SETX: variants seen among roughly 807,000 people sequenced by gnomAD.
SETX encodes senataxin, also known as helicase senataxin.
Under a neutral mutation model 227.2 loss-of-function variants are expected in SETX, and 90 were observed. The ratio of observed to expected loss-of-function variants is 0.40; its 90% CI spans 0.33 to 0.47. SETX has a LOEUF of 0.47. Among genes scored for constraint, SETX ranks in the 20% least tolerant of loss-of-function variants. The pLI, the probability that SETX is intolerant of heterozygous loss-of-function variation, is 0.91. For synonymous variants in SETX, 1,210 were observed against 1,113.2 expected, an observed-to-expected ratio of 1.09 and a Z score of -1.73; for missense variants, 3,052 against 3,181.5, an observed-to-expected ratio of 0.96 and a Z score of 0.98.
intron 11 of SETX, among the ~76,000 whole-genome samples, 160 bp downstream of exon 11, chr9:132,311,597 C>T (rs1188144948): frequency 2.0e-5 from 3 of 152,092 alleles, no homozygotes; most frequent in Non-Finnish European, 2.9e-5. Flanking sequence ...ATAATTGTTC[C>T]AGTAACTATC....
In SETX at chr9:132,262,056, C is replaced by T. The variant is rs1321742552; in HGVS notation, c.*2183G>A. On this transcript the variant is annotated 3_prime_UTR_variant, in exon 26 of 26. Coordinates refer to ENST00000224140, the MANE Select transcript of SETX (RefSeq NM_015046.7). ...AGTAATGTGAGGTACAACTGCATTC[C>T]GCTGTGAAAGGCCGTCACAGGACAC... The T allele has an allele frequency of 1.3e-5, 2 of 152,718 alleles. No homozygotes were observed. The highest frequency in any genetic ancestry group is 2.9e-5 in the Non-Finnish European group (2 of 68,100). 9.5% of individuals were successfully genotyped at this position (152,718 alleles called of 1,614,324 possible).
At position 132,328,031 on chromosome 9, in the gene SETX, A is replaced by C. The variant is rs779729376; in HGVS notation, c.3567T>G (p.Asn1189Lys). Reference sequence around the variant, plus strand: ...AATCATTTCCCACAAGATCTCTCTTATTAGTATCAGACTGGCCCTCATTTC... The same window carrying C: ...AATCATTTCCCACAAGATCTCTCTTCTTAGTATCAGACTGGCCCTCATTTC... ...SVRNEGQSDT[N>K]KRDLVGNDFK... The change falls in exon 10 of 26, where the codon AAT becomes AAG. Residue 1189 changes from asparagine to lysine, a missense_variant. Asn to Lys is a moderately conservative substitution (Grantham distance 94). Around this residue, in one of 10 missense-constraint regions of SETX, gnomAD observed 1,483 missense variants for 1,312.0 expected, o/e 1.13. Coordinates refer to ENST00000224140, the MANE Select transcript of SETX (RefSeq NM_015046.7). 1.7e-5 allele frequency: 27 copies of C among 1,613,998 alleles called. No homozygotes were observed. The South Asian group carries it at 2.6e-4, about 16-fold the overall frequency.
intron 10 of SETX, among the ~76,000 whole-genome samples, chr9:132,325,575 TGTGTTACCTCTGCACTTG>T (rs1286334135): frequency 6.6e-6 from 1 of 152,188 alleles, no homozygotes; most frequent in Non-Finnish European, 1.5e-5. Flanking sequence ...CATTTCCTTC[TGTGTTACCTCTGCACTTG>T]GTATATTAGC....
At chr9:132,276,190 TG>T (rs1366360322) in intron 22 of SETX, among the ~76,000 whole-genome samples, 6 of 152,194 alleles carry the variant, frequency 3.9e-5, no homozygotes, top group African/African-American at 1.4e-4. Flanking sequence ...ACTTACTAAA[TG>T]GACAACCCAA....
chr9:132,337,048 A>G (rs562444196), intron 5 of SETX, among the ~76,000 whole-genome samples: 3 of 152,292 alleles, frequency 2.0e-5, no homozygotes, highest in Non-Finnish European at 4.4e-5. Flanking sequence ...CCTGGGCGAC[A>G]AGAGTAAGAC....
At position 132,268,095 on chromosome 9, in the gene SETX, T is replaced by C. The variant is rs139864553; in HGVS notation, c.7287+1520A>G. Among the ~76,000 whole-genome samples, 7 of 152,366 alleles carry C rather than the reference T, an allele frequency of 4.6e-5. No homozygotes were observed. In the East Asian group the frequency reaches 5.8e-4, roughly 13 times the overall value. The stretch of plus-strand genomic sequence containing the variant: ...AAATAAGTGTTAACAGGCTATTCAA[T>C]TGATAAGAGATCACGTTTTAACACT... On this transcript the variant is annotated intron_variant, in intron 25 of 25. Transcript: ENST00000224140.
At chr9:132,275,116 C>T (rs1270627500) in intron 23 of SETX, 140 bp downstream of exon 23, 1 of 872,248 alleles carries the variant, frequency 1.1e-6, no homozygotes, top group East Asian at 2.5e-5. Flanking sequence ...CTATGAAAGC[C>T]AGCAGCATCC....
chr9:132,314,140 G>A (rs145823840), intron 10 of SETX, among the ~76,000 whole-genome samples: 1,806 of 151,940 alleles, frequency 0.012, 30 homozygotes, highest in African/African-American at 0.038. Flanking sequence ...TTGCCCAGGC[G>A]GGAGTGCAAT....
intron 7 of SETX, among the ~76,000 whole-genome samples, chr9:132,333,412 T>TAAAA (rs1554822624): frequency 9.6e-6 from 1 of 104,050 alleles, no homozygotes; most frequent in Admixed American, 9.8e-5. Flanking sequence ...AAAAAAAATA[T>TAAAA]ATATACACAC....
rs1202364177 is a variant in SETX, at chr9:132,276,939, T to A, written c.6935+121A>T. 5.9e-6 allele frequency: 5 copies of A among 845,378 alleles called. No individual in the cohort carries two copies. In the African/African-American group the frequency reaches 6.7e-5, roughly 11 times the overall value. 52.4% of individuals were successfully genotyped at this position (845,378 alleles called of 1,614,324 possible). ...AAAGAAGCATCAACTTAAGTGAACA[T>A]GACTGTGCCCTGACACTAGGCAGAG... On this transcript the variant is annotated intron_variant, in intron 22 of 25. Transcript: ENST00000224140.
chr9:132,302,924 A>G (rs1431704414), intron 11 of SETX, among the ~76,000 whole-genome samples: 1 of 152,214 alleles, frequency 6.6e-6, no homozygotes, highest in African/African-American at 2.4e-5. Flanking sequence ...TCCGACAAAT[A>G]TGCCAAGTTA....
chr9:132,325,122 C>A (rs189659378), intron 10 of SETX, among the ~76,000 whole-genome samples: 1 of 152,104 alleles, frequency 6.6e-6, no homozygotes, highest in African/African-American at 2.4e-5. Flanking sequence ...TTTGGGAGGC[C>A]AAGGCGGGCA....
Position 132,328,835 on chromosome 9 carries a change from T to G in SETX, c.2763A>C (p.Glu921Asp), listed in dbSNP as rs377618426. 1 of 1,613,398 alleles carries G rather than the reference T, an allele frequency of 6.2e-7. No homozygotes were observed. The highest frequency in any genetic ancestry group is 8.5e-7 in the Non-Finnish European group (1 of 1,179,760). The change falls in exon 10 of 26, where the codon GAA becomes GAC. Residue 921 changes from glutamate (E) to aspartate (D), a missense_variant. Glu to Asp is a conservative substitution (Grantham distance 45). Around this residue, in one of 10 missense-constraint regions of SETX, gnomAD observed 1,483 missense variants for 1,312.0 expected, o/e 1.13. Transcript: ENST00000224140. ...SPFKDLMTVP[E>D]SRDEEMSNST... is the part of the protein sequence containing the mutation. ...TATTACTCATCTCCTCATCTCTTGA[T>G]TCAGGTACAGTCATAAGATCTTTAA...
intron 11 of SETX, among the ~76,000 whole-genome samples, chr9:132,305,933 G>A (rs79568629): frequency 0.11 from 16,070 of 152,118 alleles, 955 homozygotes; most frequent in East Asian, 0.24. Context: ...CTGTCTTTAC[G>A]TTAAGATGTT....
Position 132,329,032 on chromosome 9 carries a change from G to C in SETX, c.2566C>G (p.Gln856Glu). ...SGVLDDKNGE[Q>E]KSQNNVLPKE... ...GGCAATACATTGTTTTGAGATTTTT[G>C]TTCTCCATTCTTATCATCCAGAACA... Residue 856 changes from glutamine (Q) to glutamate (E), a missense_variant, in exon 10 of 26, where the codon CAA becomes GAA. Physicochemically the swap from Gln to Glu is conservative, Grantham distance 29. Transcript: ENST00000224140. The C allele has an allele frequency of 3.1e-6, 5 of 1,607,528 alleles. No individual in the cohort carries two copies. Among genetic ancestry groups the C allele is most frequent in the Non-Finnish European group, 4.2e-6 (5 of 1,177,754 alleles).
intron 10 of SETX, among the ~76,000 whole-genome samples, chr9:132,313,930 GTTTTT>G (rs11313530): frequency 2.0e-5 from 3 of 148,794 alleles, no homozygotes; most frequent in African/African-American, 4.9e-5. Flanking sequence ...AAGTTTTTTG[GTTTTT>G]TTTTTTGTTT....
chr9:132,346,680 A>G lies in SETX; in HGVS notation c.178-209T>C, dbSNP rs11243734. ...AGAGTATGAGATATTGGCTAGGCACAGTGGCTCACAGCTGTAATCCCAGCA... is the reference window on the plus strand; with the variant it reads ...AGAGTATGAGATATTGGCTAGGCACGGTGGCTCACAGCTGTAATCCCAGCA... On this transcript the variant is annotated intron_variant, in intron 3 of 25. Transcript: ENST00000224140. Among the ~76,000 whole-genome samples, 7,567 of 152,170 alleles carry G rather than the reference A, an allele frequency of 0.05. 309 individuals are homozygous for G. Among genetic ancestry groups the G allele is most frequent in the East Asian group, 0.17 (873 of 5,178 alleles).
Position 132,262,713 on chromosome 9 carries a change from T to C in SETX, c.*1526A>G, listed in dbSNP as rs753010486. ...GCTCAAACTTTTGGCAACCGAAAGT[T>C]GTTTTTTAAAGCTCTTTATAATCTG... On this transcript the variant is annotated 3_prime_UTR_variant, in exon 26 of 26. Coordinates refer to ENST00000224140, the MANE Select transcript of SETX (RefSeq NM_015046.7). The C allele has an allele frequency of 8.5e-5, 13 of 152,652 alleles. No homozygotes were observed. Among genetic ancestry groups the C allele is most frequent in the South Asian group, 4.1e-4 (2 of 4,838 alleles). The allele number at this position is 152,652 out of a possible 1,614,324, so 9.5% of individuals were successfully genotyped here. A position where few individuals can be genotyped will look rare whatever the true frequency, so the allele number is the denominator to read the frequency against.
At chr9:132,325,315 C>G (rs1055579263) in intron 10 of SETX, among the ~76,000 whole-genome samples, 1 of 152,056 alleles carries the variant, frequency 6.6e-6, no homozygotes, top group African/African-American at 2.4e-5. Context: ...GAGATTGCAC[C>G]ACTGCACTCC....
Sources: allele counts gnomAD v4.1 joint callset (sites outside exome capture counted in the v4.1 genomes callset), GRCh38; gene constraint gnomAD v4.1.1; regional missense constraint gnomAD v4.1.1; transcripts MANE v1.5; gene names NCBI Gene and HGNC (gene_info 2026-07-23, HGNC 2026-07-21).